COL19A1: variants seen among roughly 807,000 people sequenced by gnomAD.
COL19A1 encodes collagen alpha-1(XIX) chain.
Under a neutral mutation model 190.2 loss-of-function variants are expected in COL19A1, and 159 were observed. That is an observed-to-expected ratio of 0.84 (90% confidence interval 0.73 to 0.95). The LOEUF is 0.95. COL19A1 is among the 40% of genes least tolerant of loss of function. The pLI is 0.00. For synonymous variants in COL19A1, 509 were observed against 458.9 expected, an observed-to-expected ratio of 1.11 and a Z score of -1.39; for missense variants, 1,418 against 1,431.9, an observed-to-expected ratio of 0.99 and a Z score of 0.16.
intron 11 of COL19A1, among the ~76,000 whole-genome samples, chr6:70,000,031 A>G (rs577003331): frequency 1.3e-5 from 2 of 151,990 alleles, no homozygotes; most frequent in East Asian, 3.9e-4. Context: ...ATCCCTCAAC[A>G]GCCCCTGGCC....
chr6:69,928,026 T>G lies in COL19A1; in HGVS notation c.384T>G (p.Ile128Met). ...GGCAGGTTTTAAACCAGCAGAATATTCCACAGGTAAAGTACCATTAGAGTT... is the reference window on the plus strand; with the variant it reads ...GGCAGGTTTTAAACCAGCAGAATATGCCACAGGTAAAGTACCATTAGAGTT... ...FLWQVLNQQN[I>M]PQISIVVDGG... Residue 128 changes from isoleucine to methionine, a missense_variant, in exon 5 of 51, where the codon ATT becomes ATG. By Grantham distance (10) the Ile-to-Met change is conservative (BLOSUM62 1). Coordinates refer to ENST00000620364, the MANE Select transcript of COL19A1 (RefSeq NM_001858.6). 6.2e-7 allele frequency: 1 copy of G among 1,612,960 alleles called. No individual in the cohort carries two copies. The highest frequency in any genetic ancestry group is 8.5e-7 in the Non-Finnish European group (1 of 1,179,344).
chr6:70,141,433 A>T (rs1462342628), intron 20 of COL19A1, among the ~76,000 whole-genome samples: 1 of 152,084 alleles, frequency 6.6e-6, no homozygotes, highest in Non-Finnish European at 1.5e-5. Flanking sequence ...CTTTTGTATA[A>T]CCTTAATTTT....
intron 34 of COL19A1, among the ~76,000 whole-genome samples, chr6:70,159,029 G>A (rs148820854): frequency 1.3e-5 from 2 of 151,718 alleles, no homozygotes; most frequent in East Asian, 3.9e-4. Flanking sequence ...ATGGACTGAG[G>A]TTTATTTTAA....
At position 70,211,321 on chromosome 6, in the gene COL19A1, C is replaced by T. The variant is rs1768194495; in HGVS notation, c.*4047C>T. On this transcript the variant is annotated 3_prime_UTR_variant, in exon 51 of 51. Transcript: ENST00000620364. ...TTTGCTGACGTTGTTTTAATGAATACTCAAAAAAGCTTTGCAGATTTGTCC... is the reference window on the plus strand; with the variant it reads ...TTTGCTGACGTTGTTTTAATGAATATTCAAAAAAGCTTTGCAGATTTGTCC... Among the ~76,000 whole-genome samples the T allele has an allele frequency of 6.6e-6, 1 of 151,920 alleles. No homozygotes were observed. The highest frequency in any genetic ancestry group is 1.9e-4 in the East Asian group (1 of 5,200).
chr6:70,206,453 AC>A (rs1767854029), intron 49 of COL19A1, among the ~76,000 whole-genome samples: 1 of 152,068 alleles, frequency 6.6e-6, no homozygotes, highest in Admixed American at 6.6e-5. Context: ...ACATGGCAAA[AC>A]CCTGCCTCCA....
chr6:70,050,231 G>T (rs1281557092), intron 14 of COL19A1, among the ~76,000 whole-genome samples: 1 of 151,988 alleles, frequency 6.6e-6, no homozygotes, highest in Non-Finnish European at 1.5e-5. Flanking sequence ...CTTAGCTATT[G>T]ATGTTATTGT....
chr6:69,968,832 AT>A (rs1775262868), intron 11 of COL19A1, among the ~76,000 whole-genome samples: 1 of 152,216 alleles, frequency 6.6e-6, no homozygotes. Context: ...TATTCAGGAC[AT>A]TCTGGGGCAG....
At chr6:70,091,258 T>C (rs1782910517) in intron 15 of COL19A1, among the ~76,000 whole-genome samples, 1 of 152,184 alleles carries the variant, frequency 6.6e-6, no homozygotes, top group East Asian at 1.9e-4. Flanking sequence ...ATGTTGTCAC[T>C]AATTTGCCTC....
Position 70,188,211 on chromosome 6 carries a change from G to T in COL19A1, c.2993G>T (p.Gly998Val). 3 of 1,612,094 alleles carry T rather than the reference G, an allele frequency of 1.9e-6. No individual in the cohort carries two copies. The highest frequency in any genetic ancestry group is 2.5e-6 in the Non-Finnish European group (3 of 1,179,276). The change falls in exon 47 of 51, where the codon GGC becomes GTC. Residue 998 changes from glycine to valine, a missense_variant. Gly to Val is a moderately radical substitution (Grantham distance 109). Coordinates refer to ENST00000620364, the MANE Select transcript of COL19A1 (RefSeq NM_001858.6). ...TCCATGGGATCCCCTGGCCACCAAG[G>T]CCCTCCAGGCTCTCCAGGCATCCCT... ...KGSMGSPGHQ[G>V]PPGSPGIPGI...
At chr6:70,162,253 T>G (rs1282896280) in intron 35 of COL19A1, among the ~76,000 whole-genome samples, 1 of 152,172 alleles carries the variant, frequency 6.6e-6, no homozygotes, top group African/African-American at 2.4e-5. Flanking sequence ...TTTATAATTT[T>G]TTGGCACTAA....
intron 40 of COL19A1, among the ~76,000 whole-genome samples, chr6:70,171,565 C>G (rs1452957620): frequency 6.6e-6 from 1 of 152,162 alleles, no homozygotes. Flanking sequence ...CCATCTTCAT[C>G]TACTCTTAAA....
chr6:69,996,566 T>A (rs1426166557), intron 11 of COL19A1, among the ~76,000 whole-genome samples: 1 of 152,134 alleles, frequency 6.6e-6, no homozygotes, highest in Non-Finnish European at 1.5e-5. Context: ...TTAACTAATT[T>A]ATATAGGCAG....
At position 70,067,327 on chromosome 6, in the gene COL19A1, G is replaced by A. The variant is rs185233138; in HGVS notation, c.1171-1096G>A. ...AATCCAAACGTATCTTGTAGATAAA[G>A]CCAACAAGATTTTGTAACTGTATGT... On this transcript the variant is annotated intron_variant, in intron 14 of 50. Transcript: ENST00000620364. Among the ~76,000 whole-genome samples, 3 of 151,970 alleles carry A rather than the reference G, an allele frequency of 2.0e-5. No homozygotes were observed. In the East Asian group the frequency reaches 5.8e-4, roughly 29 times the overall value.
chr6:69,911,101 A>G (rs554908930), intron 4 of COL19A1, among the ~76,000 whole-genome samples: 13 of 152,222 alleles, frequency 8.5e-5, no homozygotes, highest in Non-Finnish European at 1.8e-4. Context: ...AATAGCATCA[A>G]ATAGTCTAAT....
intron 44 of COL19A1, among the ~76,000 whole-genome samples, chr6:70,184,157 C>T (rs543987587): frequency 1.3e-5 from 2 of 152,260 alleles, no homozygotes; most frequent in East Asian, 3.9e-4. Flanking sequence ...CAATTGTTCT[C>T]TGACTGACAC....
intron 9 of COL19A1, among the ~76,000 whole-genome samples, chr6:69,938,442 T>A (rs1773251735): frequency 6.6e-6 from 1 of 152,126 alleles, no homozygotes; most frequent in Non-Finnish European, 1.5e-5. Flanking sequence ...GAATTCTTGC[T>A]TCTCTTGTCT....
At chr6:70,151,294 T>G (rs1787042138) in intron 30 of COL19A1, 103 bp from the exon 31 acceptor site, 13 of 1,108,106 alleles carry the variant, frequency 1.2e-5, no homozygotes, top group Middle Eastern at 2.6e-4. Context: ...CACCAGAAGC[T>G]TCATGGCATT....
At chr6:70,001,855 A>C (rs996821382) in intron 11 of COL19A1, among the ~76,000 whole-genome samples, 1 of 152,016 alleles carries the variant, frequency 6.6e-6, no homozygotes, top group Non-Finnish European at 1.5e-5. Flanking sequence ...AATACCCTTT[A>C]TTTCTTTCTG....
At chr6:70,176,688 A>G in intron 42 of COL19A1, 124 bp downstream of exon 42, 1 of 721,264 alleles carries the variant, frequency 1.4e-6, no homozygotes, top group Non-Finnish European at 2.1e-6. Context: ...TAGGTTCCTG[A>G]CAATTCTAGT....
Sources: allele counts gnomAD v4.1 joint callset (sites outside exome capture counted in the v4.1 genomes callset), GRCh38; gene constraint gnomAD v4.1.1; transcripts MANE v1.5; gene names NCBI Gene and HGNC (gene_info 2026-07-23, HGNC 2026-07-21).